CD207: variants seen among roughly 807,000 people sequenced by gnomAD.
CD207 encodes the protein CD207 molecule.
CD207 carries 28 observed loss-of-function variants against 31.6 expected under a neutral mutation model. The observed-to-expected ratio is 0.89, with a 90% CI of 0.66 to 1.21. The LOEUF (loss-of-function observed/expected upper bound fraction) is 1.21. Among genes scored for constraint, CD207 ranks in the 50% most tolerant of loss-of-function variants. The pLI is 0.00. For synonymous variants in CD207, 168 were observed against 153.9 expected, an observed-to-expected ratio of 1.09 and a Z score of -0.68; for missense variants, 388 against 397.8, an observed-to-expected ratio of 0.98 and a Z score of 0.21.
In CD207 at chr2:70,831,775, G is replaced by T. The variant is rs3213749; in HGVS notation, c.762C>A (p.Gly254=). Residue 254 remains glycine (G), a synonymous_variant, in exon 5 of 6, where the codon GGC becomes GGA. Transcript: ENST00000410009. ...KTAGGLIYWI[G]LTKAGMEGDW... ...CCCCTTCCATCCCTGCTTTAGTCAGGCCAATCCAGTAGATGAGTCCCCCCG... is the reference window on the plus strand; with the variant it reads ...CCCCTTCCATCCCTGCTTTAGTCAGTCCAATCCAGTAGATGAGTCCCCCCG... 0.063 allele frequency: 101,625 copies of T among 1,611,826 alleles called. 4,494 individuals are homozygous for T. The highest frequency in any genetic ancestry group is 0.17 in the African/African-American group (12,981 of 74,878).
chr2:70,829,707 C>T (rs989421943), downstream of CD207, among the ~76,000 whole-genome samples: 9 of 152,196 alleles, frequency 5.9e-5, no homozygotes, highest in African/African-American at 2.2e-4. Context: ...CCTGTGCCCT[C>T]AGCTGTGACC....
chr2:70,825,056 A>G, the CD207 span, among the ~76,000 whole-genome samples: 1 of 152,210 alleles, frequency 6.6e-6, no homozygotes, highest in African/African-American at 2.4e-5. Context: ...ACAGTAATGA[A>G]TTCTATTGAT....
At chr2:70,835,360 A>AG in intron 2 of CD207, 131 bp downstream of exon 2, 1 of 699,536 alleles carries the variant, frequency 1.4e-6, no homozygotes, top group South Asian at 1.5e-5. Context: ...ACATGGAAAG[A>AG]GGAGGAAGGA....
chr2:70,825,098 T>G, the CD207 span, among the ~76,000 whole-genome samples: 1 of 152,012 alleles, frequency 6.6e-6, no homozygotes, highest in Non-Finnish European at 1.5e-5. Context: ...GTGATGAGAA[T>G]GGCCCTTTAT....
the CD207 span, among the ~76,000 whole-genome samples, chr2:70,824,639 A>AAAAAAAAC: frequency 6.0e-5 from 9 of 149,420 alleles, no homozygotes; most frequent in African/African-American, 2.2e-4. Context: ...AAAAAAAAAA[A>AAAAAAAAC]AAAAAAACTG....
chr2:70,830,967 C>T lies in CD207; in HGVS notation c.*83G>A. ...AAGAAAAATTAACGTGCAAAGTCAT[C>T]CTGGAGTCTGGGGAAGAAAGAGGCA... On this transcript the variant is annotated 3_prime_UTR_variant, in exon 6 of 6. Coordinates refer to ENST00000410009, the MANE Select transcript of CD207 (RefSeq NM_015717.5). 3.8e-6 allele frequency: 5 copies of T among 1,319,866 alleles called. No individual in the cohort carries two copies. Among genetic ancestry groups the T allele is most frequent in the Non-Finnish European group, 5.2e-6 (5 of 955,644 alleles). 81.8% of individuals were successfully genotyped at this position (1,319,866 alleles called of 1,614,324 possible). A position where few individuals can be genotyped will look rare whatever the true frequency, so the allele number is the denominator to read the frequency against.
chr2:70,828,345 C>T (rs916154915), downstream of CD207, among the ~76,000 whole-genome samples: 1 of 152,330 alleles, frequency 6.6e-6, no homozygotes, highest in South Asian at 2.1e-4. Context: ...CAAAGCAAAG[C>T]GACAGGTGTC....
intron 4 of CD207, 62 bp downstream of exon 4, chr2:70,832,838 C>G (rs1387601910): frequency 1.3e-6 from 2 of 1,482,918 alleles, no homozygotes; most frequent in Non-Finnish European, 1.8e-6. Flanking sequence ...ATAATCTTGC[C>G]CATCCTCCCT....
chr2:70,827,335 C>A, downstream of CD207, among the ~76,000 whole-genome samples: 1 of 151,140 alleles, frequency 6.6e-6, no homozygotes, highest in African/African-American at 2.4e-5. Context: ...ATTCTGAGAC[C>A]TGAAAAAAAA....
chr2:70,824,621 CCAAAA>C, the CD207 span, among the ~76,000 whole-genome samples: 4 of 38,270 alleles, frequency 1.0e-4, no homozygotes, highest in South Asian at 3.8e-3. Context: ...TGCTTAGTTA[CCAAAA>C]AAAAAAAAAA....
chr2:70,830,125 A>C (rs576393818), downstream of CD207: 18 of 152,334 alleles, frequency 1.2e-4, no homozygotes, highest in African/African-American at 4.1e-4. Context: ...TTTCCTGAGG[A>C]TACCCTAGAA....
At chr2:70,833,620 T>C (rs1553400245) in intron 3 of CD207, 26 bp downstream of exon 3, 1 of 1,577,490 alleles carries the variant, frequency 6.3e-7, no homozygotes, top group East Asian at 2.3e-5. Flanking sequence ...CTGGTCAGCT[T>C]CAATGTAATT....
chr2:70,828,826 C>T (rs553200315), downstream of CD207, among the ~76,000 whole-genome samples: 21 of 152,184 alleles, frequency 1.4e-4, no homozygotes, highest in Admixed American at 9.8e-4. Context: ...CCACCATGCC[C>T]GGCTAATTTT....
rs138367948 is a variant in CD207, at chr2:70,831,799, C to T, written c.738G>A (p.Ala246=). 4.5e-5 allele frequency: 73 copies of T among 1,611,560 alleles called. No individual in the cohort carries two copies. Among genetic ancestry groups the T allele is most frequent in the South Asian group, 1.1e-4 (10 of 91,008 alleles). ...GGCCAATCCAGTAGATGAGTCCCCC[C>T]GCTGTTTTATACAGAAACTCCTGTA... ...ESEQEFLYKT[A]GGLIYWIGLT... The change falls in exon 5 of 6, where the codon GCG becomes GCA. Residue 246 remains alanine, a synonymous_variant. Coordinates refer to ENST00000410009, the MANE Select transcript of CD207 (RefSeq NM_015717.5).
At chr2:70,827,298 T>C (rs1479381147), downstream of CD207, among the ~76,000 whole-genome samples, 1 of 152,146 alleles carries the variant, frequency 6.6e-6, no homozygotes, top group Non-Finnish European at 1.5e-5. Context: ...GGGTAGCCTG[T>C]GTTTTCTCCC....
At chr2:70,824,676 A>T in the CD207 span, among the ~76,000 whole-genome samples, 1 of 151,530 alleles carries the variant, frequency 6.6e-6, no homozygotes, top group East Asian at 1.9e-4. Context: ...ATGACACAGG[A>T]ACCAATGAAG....
chr2:70,828,170 A>G (rs1374285627), downstream of CD207, among the ~76,000 whole-genome samples: 4 of 152,240 alleles, frequency 2.6e-5, no homozygotes, highest in Non-Finnish European at 5.9e-5. Context: ...CTGCCCAGGT[A>G]TTGATAACAC....
chr2:70,832,988 G>A lies in CD207; in HGVS notation c.629C>T (p.Ser210Phe). Residue 210 changes from serine to phenylalanine, a missense_variant, in exon 4 of 6, where the codon TCT (serine) becomes TTT (phenylalanine). Ser to Phe is a radical substitution (Grantham distance 155, BLOSUM62 -2). Transcript: ENST00000410009. ...ACTATACCAGGTCTTTGGAATGAGAGAAAAGTAATAGAAGTTCCCCTTGAA... is the reference window on the plus strand; with the variant it reads ...ACTATACCAGGTCTTTGGAATGAGAAAAAAGTAATAGAAGTTCCCCTTGAA... ...KYFKGNFYYF[S>F]LIPKTWYSAE... 3 of 1,613,934 alleles carry A rather than the reference G, an allele frequency of 1.9e-6. No individual in the cohort carries two copies. The highest frequency in any genetic ancestry group is 4.5e-5 in the East Asian group (2 of 44,890).
rs112095621 is a variant in CD207 at position 70,835,543 on chromosome 2, T to C, written c.138A>G (p.Leu46=). ...CGACCAGGACCAGCGTCAGGCAGAT[T>C]AATGCAGCACGGACTGTGGGTGTTT... ...PGKTPTVRAA[L]ICLTLVLVAS... is the part of the protein sequence containing the mutation. The change falls in exon 2 of 6, where the codon TTA becomes TTG. Residue 46 remains leucine, a synonymous_variant. Coordinates refer to ENST00000410009, the MANE Select transcript of CD207 (RefSeq NM_015717.5). 2.5e-5 allele frequency: 41 copies of C among 1,613,870 alleles called. 1 individual carries two copies. In the African/African-American group the frequency reaches 2.9e-4, roughly 12 times the overall value.
Sources: allele counts gnomAD v4.1 joint callset (sites outside exome capture counted in the v4.1 genomes callset), GRCh38; gene constraint gnomAD v4.1.1; transcripts MANE v1.5; gene names NCBI Gene and HGNC (gene_info 2026-07-23, HGNC 2026-07-21).